UNC5D: variants seen among roughly 807,000 people sequenced by gnomAD.
The protein encoded by UNC5D is unc-5 netrin receptor D, also known as netrin receptor UNC5D.
A neutral mutation model predicts 105.4 loss-of-function variants in UNC5D; 39 were observed. The observed-to-expected ratio is 0.37, with a 90% CI of 0.29 to 0.48. UNC5D has a LOEUF of 0.48. Ranked by LOEUF, UNC5D falls within the 20% of genes least tolerant of loss-of-function variation. The probability of loss-of-function intolerance (pLI) is 0.98; values close to 1 mark genes in which losing one functional copy is unlikely to be tolerated. For synonymous variants in UNC5D, 452 were observed against 450.4 expected, an observed-to-expected ratio of 1.00 and a Z score of -0.04; for missense variants, 991 against 1,202.4, an observed-to-expected ratio of 0.82 and a Z score of 2.60.
At chr8:35,690,753 G>C (rs1826336747) in intron 7 of UNC5D, among the ~76,000 whole-genome samples, 1 of 152,210 alleles carries the variant, frequency 6.6e-6, no homozygotes, top group South Asian at 2.1e-4. Context: ...GAAAATAGCT[G>C]TGCTCTGAGG....
At chr8:35,407,210 G>A (rs1585770653) in intron 1 of UNC5D, among the ~76,000 whole-genome samples, 1 of 152,204 alleles carries the variant, frequency 6.6e-6, no homozygotes, top group Admixed American at 6.5e-5. Context: ...TAGGTGTGAA[G>A]TAGACAACAA....
In UNC5D at chr8:35,547,118, T is replaced by C. The variant is rs544367323; in HGVS notation, c.104-2174T>C. 9.8e-5 allele frequency among the ~76,000 whole-genome samples: 15 copies of C among 152,306 alleles called. No individual in the cohort carries two copies. The East Asian group carries it at 2.7e-3, about 27-fold the overall frequency. On this transcript the variant is annotated intron_variant, in intron 1 of 16. Coordinates refer to ENST00000404895, the MANE Select transcript of UNC5D (RefSeq NM_080872.4). ...AATCAAGTTACATTTAAGTTTAATT[T>C]GTTCCAGTGGCAAACTATGCATGTG...
chr8:35,435,664 C>G (rs1219656553), intron 1 of UNC5D, among the ~76,000 whole-genome samples: 1 of 151,956 alleles, frequency 6.6e-6, no homozygotes, highest in Non-Finnish European at 1.5e-5. Context: ...AAGAAGTAAA[C>G]AAATGTAATC....
intron 7 of UNC5D, among the ~76,000 whole-genome samples, chr8:35,694,083 G>A (rs2131386543): frequency 6.6e-6 from 1 of 152,304 alleles, no homozygotes; most frequent in East Asian, 1.9e-4. Context: ...CTGTGATGAT[G>A]TAAACTGGAG....
intron 1 of UNC5D, among the ~76,000 whole-genome samples, chr8:35,363,007 G>A (rs955980525): frequency 7.2e-5 from 11 of 151,992 alleles, no homozygotes; most frequent in Non-Finnish European, 1.3e-4. Context: ...GTCCAATCCC[G>A]GGTCACGTGT....
In UNC5D at chr8:35,790,734, G is replaced by C. The variant is rs1016470484; in HGVS notation, c.*171G>C. The C allele has an allele frequency of 2.4e-5, 16 of 673,546 alleles. No homozygotes were observed. Among genetic ancestry groups the C allele is most frequent in the Non-Finnish European group, 3.8e-5 (15 of 397,640 alleles). 41.7% of individuals were successfully genotyped at this position (673,546 alleles called of 1,614,324 possible). A position where few individuals can be genotyped will look rare whatever the true frequency, so the allele number is the denominator to read the frequency against. ...TTTATATAGGTAAAACATGTTAATAGGGAAGAGTACAAGCTCTCTTACATA... is the reference window on the plus strand; with the variant it reads ...TTTATATAGGTAAAACATGTTAATACGGAAGAGTACAAGCTCTCTTACATA... On this transcript the variant is annotated 3_prime_UTR_variant, in exon 17 of 17. Coordinates refer to ENST00000404895, the MANE Select transcript of UNC5D (RefSeq NM_080872.4).
At chr8:35,474,645 G>A (rs1368927557) in intron 1 of UNC5D, among the ~76,000 whole-genome samples, 1 of 152,178 alleles carries the variant, frequency 6.6e-6, no homozygotes, top group Admixed American at 6.5e-5. Flanking sequence ...CCCCTGTGGC[G>A]ATTGGCACCA....
intron 1 of UNC5D, among the ~76,000 whole-genome samples, chr8:35,302,441 C>CCTCAGATG (rs1808030355): frequency 6.6e-6 from 1 of 152,168 alleles, no homozygotes; most frequent in Admixed American, 6.5e-5. Flanking sequence ...GGTTTCTTTT[C>CCTCAGATG]CTCAGATGCT....
intron 4 of UNC5D, among the ~76,000 whole-genome samples, chr8:35,629,932 T>A (rs1821937018): frequency 6.6e-6 from 1 of 152,202 alleles, no homozygotes; most frequent in Non-Finnish European, 1.5e-5. Flanking sequence ...CGGGTAACCC[T>A]AAGATTTTGT....
chr8:35,505,177 AAAATT>A (rs1465627197), intron 1 of UNC5D, among the ~76,000 whole-genome samples: 4 of 152,230 alleles, frequency 2.6e-5, no homozygotes, highest in African/African-American at 9.6e-5. Context: ...ACAAAAATCA[AAAATT>A]AAAGAGAAAT....
chr8:35,478,241 A>T (rs1006880392), intron 1 of UNC5D, among the ~76,000 whole-genome samples: 1 of 152,146 alleles, frequency 6.6e-6, no homozygotes, highest in African/African-American at 2.4e-5. Flanking sequence ...TGAAAAAATA[A>T]TATGTGAGCC....
intron 1 of UNC5D, among the ~76,000 whole-genome samples, chr8:35,429,062 A>G (rs1277291345): frequency 1.3e-5 from 2 of 152,244 alleles, no homozygotes; most frequent in African/African-American, 2.4e-5. Context: ...AGCTACATCC[A>G]TAAAAGTGAG....
intron 1 of UNC5D, among the ~76,000 whole-genome samples, chr8:35,524,663 GAAA>G (rs1563498975): frequency 7.5e-6 from 1 of 133,342 alleles, no homozygotes; most frequent in African/African-American, 2.8e-5. Context: ...AAAGAAAAAA[GAAA>G]AAAGAAAAAA....
At chr8:35,705,138 A>G (rs1323825108) in intron 7 of UNC5D, among the ~76,000 whole-genome samples, 1 of 151,588 alleles carries the variant, frequency 6.6e-6, no homozygotes, top group East Asian at 2.0e-4. Context: ...CTAATTTTTT[A>G]CATTTTTAGT....
intron 11 of UNC5D, among the ~76,000 whole-genome samples, chr8:35,739,796 C>T (rs1829665852): frequency 6.6e-6 from 1 of 152,106 alleles, no homozygotes; most frequent in Non-Finnish European, 1.5e-5. Flanking sequence ...TCATCCTTTC[C>T]ACTTCATTTT....
At position 35,379,148 on chromosome 8, in the gene UNC5D, A is replaced by T. The variant is rs190199608; in HGVS notation, c.103+143261A>T. Among the ~76,000 whole-genome samples the T allele has an allele frequency of 2.3e-4, 35 of 152,296 alleles. No individual in the cohort carries two copies. In the East Asian group the frequency reaches 3.3e-3, roughly 14 times the overall value. ...ATTAGAGTGGTGGTCTCTTGAGCTG[A>T]GGAATGAATAAAAATCCTCTACTTC... On this transcript the variant is annotated intron_variant, in intron 1 of 16. Coordinates refer to ENST00000404895, the MANE Select transcript of UNC5D (RefSeq NM_080872.4).
chr8:35,623,774 A>C (rs567883189), intron 4 of UNC5D, among the ~76,000 whole-genome samples: 2 of 152,336 alleles, frequency 1.3e-5, no homozygotes, highest in African/African-American at 2.4e-5. Context: ...ATTTTTAAAT[A>C]AATTTGATTT....
At chr8:35,278,334 T>G (rs1805914514) in intron 1 of UNC5D, among the ~76,000 whole-genome samples, 1 of 152,174 alleles carries the variant, frequency 6.6e-6, no homozygotes, top group Non-Finnish European at 1.5e-5. Context: ...AGGTGCACGC[T>G]TTCTTCACAT....
chr8:35,285,261 A>G (rs1585495648), intron 1 of UNC5D, among the ~76,000 whole-genome samples: 1 of 152,166 alleles, frequency 6.6e-6, no homozygotes, highest in Admixed American at 6.5e-5. Flanking sequence ...TTTCCAACCT[A>G]TTCTCTGCAG....
Sources: gnomAD v4.1 joint callset for allele counts (sites outside exome capture counted in the v4.1 genomes callset) on GRCh38, gnomAD v4.1.1 for gene constraint, MANE v1.5 for transcripts, NCBI Gene and HGNC (gene_info 2026-07-23, HGNC 2026-07-21) for gene names.